KCNIP4: variants seen among roughly 807,000 people sequenced by gnomAD.
KCNIP4 encodes Kv channel-interacting protein 4.
In KCNIP4, 12 loss-of-function variants were observed where a neutral mutation model predicts 34.0. The observed-to-expected ratio is 0.35, with a 90% CI of 0.23 to 0.57. The LOEUF (loss-of-function observed/expected upper bound fraction) is 0.57. Ranked by LOEUF, KCNIP4 falls within the 20% of genes least tolerant of loss-of-function variation. The pLI is 0.83. For missense variants in KCNIP4, 238 were observed against 311.7 expected, an observed-to-expected ratio of 0.76 and a Z score of 1.78; for synonymous variants, 124 against 102.2, an observed-to-expected ratio of 1.21 and a Z score of -1.29.
chr4:20,942,528 C>A (rs1325735817), intron 1 of KCNIP4, among the ~76,000 whole-genome samples: 1 of 152,138 alleles, frequency 6.6e-6, no homozygotes, highest in Non-Finnish European at 1.5e-5. Flanking sequence ...TTGGTCCCCA[C>A]CACACAACTA....
At chr4:21,057,462 C>A (rs1743516005) in intron 1 of KCNIP4, among the ~76,000 whole-genome samples, 1 of 151,996 alleles carries the variant, frequency 6.6e-6, no homozygotes, top group East Asian at 1.9e-4. Context: ...CAAATAATTT[C>A]TACACAAAGC....
intron 1 of KCNIP4, among the ~76,000 whole-genome samples, chr4:21,196,863 GCA>G (rs367795947): frequency 1.1e-4 from 17 of 151,930 alleles, no homozygotes; most frequent in Non-Finnish European, 2.4e-4. Context: ...ATTTGTACAT[GCA>G]CACACACACA....
At chr4:21,722,057 T>TA (rs1222032247) in intron 1 of KCNIP4, among the ~76,000 whole-genome samples, 1 of 152,176 alleles carries the variant, frequency 6.6e-6, no homozygotes, top group Non-Finnish European at 1.5e-5. Flanking sequence ...ACTAAAAACT[T>TA]AGACTCCTTA....
At chr4:21,623,545 T>C (rs1009489392) in intron 1 of KCNIP4, among the ~76,000 whole-genome samples, 1 of 152,238 alleles carries the variant, frequency 6.6e-6, no homozygotes, top group African/African-American at 2.4e-5. Context: ...AAACTTTAGC[T>C]TTTAGTTTTG....
intron 3 of KCNIP4, among the ~76,000 whole-genome samples, chr4:20,759,706 G>A (rs1754793283): frequency 6.6e-6 from 1 of 152,128 alleles, no homozygotes; most frequent in Non-Finnish European, 1.5e-5. Context: ...CAGAATATAA[G>A]GTTTGAGCAA....
At chr4:21,401,058 G>A (rs10018029) in intron 1 of KCNIP4, among the ~76,000 whole-genome samples, 25,289 of 151,936 alleles carry the variant, frequency 0.17, 3,829 homozygotes, top group African/African-American at 0.39. Context: ...CTACTCGGGA[G>A]GCTGAGGCAG....
At chr4:21,310,157 C>T (rs1054361158) in intron 1 of KCNIP4, among the ~76,000 whole-genome samples, 3 of 152,194 alleles carry the variant, frequency 2.0e-5, no homozygotes, top group East Asian at 3.9e-4. Context: ...CTCAGCCTCC[C>T]GAGTAGCTGG....
At chr4:21,664,131 G>T (rs1410559281) in intron 1 of KCNIP4, among the ~76,000 whole-genome samples, 1 of 151,980 alleles carries the variant, frequency 6.6e-6, no homozygotes, top group Non-Finnish European at 1.5e-5. Context: ...TGTACTTGTA[G>T]TAGAGACAGG....
At chr4:21,348,969 C>T (rs780334749) in intron 1 of KCNIP4, among the ~76,000 whole-genome samples, 1 of 152,042 alleles carries the variant, frequency 6.6e-6, no homozygotes, top group Non-Finnish European at 1.5e-5. Context: ...GATGCTTCTG[C>T]CTGAGAGAAT....
intron 1 of KCNIP4, among the ~76,000 whole-genome samples, chr4:20,995,715 G>A (rs544066535): frequency 7.2e-5 from 11 of 152,224 alleles, no homozygotes; most frequent in South Asian, 4.1e-4. Context: ...CGATGCCATC[G>A]CTCAGTAATC....
chr4:21,306,550 G>GT (rs1453730385), intron 1 of KCNIP4, among the ~76,000 whole-genome samples: 34 of 152,120 alleles, frequency 2.2e-4, no homozygotes, highest in Non-Finnish European at 2.9e-4. Flanking sequence ...CTGACACACT[G>GT]TTTTAGCCAT....
intron 1 of KCNIP4, among the ~76,000 whole-genome samples, chr4:20,924,344 C>G (rs1213563080): frequency 6.6e-6 from 1 of 152,132 alleles, no homozygotes; most frequent in Non-Finnish European, 1.5e-5. Flanking sequence ...AATGGTGGTA[C>G]CAAGCCTAAG....
intron 3 of KCNIP4, among the ~76,000 whole-genome samples, chr4:20,839,477 C>T (rs1464873646): frequency 7.6e-6 from 1 of 130,998 alleles, no homozygotes; most frequent in Non-Finnish European, 1.6e-5. Flanking sequence ...ATATTGTATA[C>T]CATGTATATA....
At chr4:21,526,717 G>A (rs1736002253) in intron 1 of KCNIP4, among the ~76,000 whole-genome samples, 1 of 152,016 alleles carries the variant, frequency 6.6e-6, no homozygotes, top group South Asian at 2.1e-4. Flanking sequence ...CACAATGGAG[G>A]CCATATTTAC....
At position 21,159,551 on chromosome 4, in the gene KCNIP4, G is replaced by A. The variant is rs376814720; in HGVS notation, c.62-276842C>T. Among the ~76,000 whole-genome samples the A allele has an allele frequency of 4.9e-5, 2 of 40,508 alleles. 1 individual carries two copies. Among genetic ancestry groups the A allele is most frequent in the African/African-American group, 3.3e-4 (2 of 6,094 alleles). The allele number at this position is 40,508 out of a possible 152,430, so 26.6% of individuals were successfully genotyped here. Reference sequence around the variant, plus strand: ...GCGCAGGCCAGTGTGTGTGCGCACCGTGCGCGAGCCGAAGCAGGGCGAGGC... The same window carrying A: ...GCGCAGGCCAGTGTGTGTGCGCACCATGCGCGAGCCGAAGCAGGGCGAGGC... On this transcript the variant is annotated intron_variant, in intron 1 of 8. Transcript: ENST00000382152.
At chr4:20,739,704 C>T (rs145618570) in intron 5 of KCNIP4, among the ~76,000 whole-genome samples, 3,397 of 152,242 alleles carry the variant, frequency 0.022, 129 homozygotes, top group African/African-American at 0.078. Flanking sequence ...GAACGCACCT[C>T]CTCGCCAGCA....
At chr4:21,936,774 A>C (rs751024513) in intron 1 of KCNIP4, among the ~76,000 whole-genome samples, 5 of 152,056 alleles carry the variant, frequency 3.3e-5, no homozygotes, top group Non-Finnish European at 7.4e-5. Flanking sequence ...AGTTCATTCT[A>C]TTAGCCAGCT....
intron 1 of KCNIP4, among the ~76,000 whole-genome samples, chr4:21,471,597 T>C (rs576177233): frequency 6.6e-6 from 1 of 152,318 alleles, no homozygotes; most frequent in South Asian, 2.1e-4. Flanking sequence ...TATTTATATG[T>C]TCTAGTTCCT....
intron 2 of KCNIP4, among the ~76,000 whole-genome samples, chr4:20,859,220 CTG>C (rs57939913): frequency 0.33 from 50,710 of 151,666 alleles, 8,862 homozygotes; most frequent in Admixed American, 0.42. Flanking sequence ...ACACAGGAAA[CTG>C]TTTGTTTTTC....
Sources: gnomAD v4.1 joint callset for allele counts (sites outside exome capture counted in the v4.1 genomes callset) on GRCh38, gnomAD v4.1.1 for gene constraint, MANE v1.5 for transcripts, NCBI Gene and HGNC (gene_info 2026-07-23, HGNC 2026-07-21) for gene names.